BRCA2: variants seen among roughly 807,000 people sequenced by gnomAD.
BRCA2 encodes BRCA2 DNA repair associated, also known as breast cancer type 2 susceptibility protein.
In BRCA2, 203 loss-of-function variants were observed where a neutral mutation model predicts 276.7. That is an observed-to-expected ratio of 0.73 (90% CI 0.65 to 0.82). The LOEUF (loss-of-function observed/expected upper bound fraction) is 0.82. Ranked by LOEUF, BRCA2 falls within the 40% of genes least tolerant of loss-of-function variation. BRCA2 has a pLI of 0.00. For synonymous variants in BRCA2, 1,289 were observed against 1,338.4 expected, an observed-to-expected ratio of 0.96 and a Z score of 0.81; for missense variants, 3,920 against 3,915.0, an observed-to-expected ratio of 1.00 and a Z score of -0.03.
At chr13:32,364,212 C>T (rs781127263) in intron 18 of BRCA2, among the ~76,000 whole-genome samples, 4 of 152,122 alleles carry the variant, frequency 2.6e-5, no homozygotes, top group Non-Finnish European at 5.9e-5. Context: ...ATCAAGCTTG[C>T]AGTGGCTTTC....
chr13:32,336,703 T>G lies in BRCA2; in HGVS notation c.2348T>G (p.Val783Gly), dbSNP rs768143929. 4.3e-6 allele frequency: 7 copies of G among 1,613,848 alleles called. No individual in the cohort carries two copies. The highest frequency in any genetic ancestry group is 5.9e-6 in the Non-Finnish European group (7 of 1,179,910). The change falls in exon 11 of 27, where the codon GTC becomes GGC. Residue 783 changes from valine (V) to glycine (G), a missense_variant. Physicochemically the swap from Val to Gly is moderately radical, Grantham distance 109. Coordinates refer to ENST00000380152, the MANE Select transcript of BRCA2 (RefSeq NM_000059.4). Reference sequence around the variant, plus strand: ...TCCAAGGATGTTCTGTCAAACCTAGTCATGATTTCTAGAGGCAAAGAATCA... The same window carrying G: ...TCCAAGGATGTTCTGTCAAACCTAGGCATGATTTCTAGAGGCAAAGAATCA... ...PTSKDVLSNLVMISRGKESYK... is the reference protein window; with the variant it reads ...PTSKDVLSNLGMISRGKESYK...
intron 10 of BRCA2, 87 bp from the exon 11 acceptor site, chr13:32,336,178 A>G: frequency 7.0e-7 from 1 of 1,434,944 alleles, no homozygotes; most frequent in South Asian, 1.4e-5. Context: ...ACTGTGCCCA[A>G]ACACTACCTT....
Position 32,332,602 on chromosome 13 carries a change from C to A in BRCA2, c.1124C>A (p.Pro375His), listed in dbSNP as rs80358409. ...GATTCAAATGTAGCAAATCAGAAGCCCTTTGAGAGTGGAAGTGACAAAATC... is the reference window on the plus strand; with the variant it reads ...GATTCAAATGTAGCAAATCAGAAGCACTTTGAGAGTGGAAGTGACAAAATC... The part of the protein sequence containing the change: ...PLDSNVANQK[P>H]FESGSDKISK... The change falls in exon 10 of 27, where the codon CCC becomes CAC. Residue 375 changes from proline to histidine, a missense_variant. Physicochemically the swap from Pro to His is moderately conservative, Grantham distance 77 (BLOSUM62 -2). Transcript: ENST00000380152. 6.2e-7 allele frequency: 1 copy of A among 1,613,916 alleles called. No homozygotes were observed. Among genetic ancestry groups the A allele is most frequent in the South Asian group, 1.1e-5 (1 of 91,056 alleles).
chr13:32,350,666 T>A (rs1389448745), intron 13 of BRCA2, among the ~76,000 whole-genome samples: 1 of 151,564 alleles, frequency 6.6e-6, no homozygotes, highest in Non-Finnish European at 1.5e-5. Context: ...GGCAGGAGAA[T>A]GGCATCAACC....
chr13:32,388,632 A>G (rs934803554), intron 24 of BRCA2, among the ~76,000 whole-genome samples: 1 of 150,384 alleles, frequency 6.6e-6, no homozygotes, highest in South Asian at 2.1e-4. Context: ...GCTAACCTCT[A>G]TGCTCAGTAG....
At chr13:32,389,600 C>T (rs1346039317) in intron 24 of BRCA2, among the ~76,000 whole-genome samples, 2 of 151,918 alleles carry the variant, frequency 1.3e-5, no homozygotes, top group African/African-American at 4.8e-5. Flanking sequence ...AATATTGTGC[C>T]ACTTCCCTCT....
intron 3 of BRCA2, among the ~76,000 whole-genome samples, chr13:32,324,464 A>G (rs1168588832): frequency 6.6e-6 from 1 of 152,240 alleles, no homozygotes; most frequent in African/African-American, 2.4e-5. Flanking sequence ...TTATGTACCC[A>G]CAAAAATTAA....
rs773194010 is a variant in BRCA2, at chr13:32,346,835, A to G, written c.6946A>G (p.Lys2316Glu). ...AAATAATTGTTTCCTAGGCACAATA[A>G]AAGATCGAAGATTGTTTATGCATCA... ...ASKSTPDGTI[K>E]DRRLFMHHVS... The change falls in exon 13 of 27, where the codon AAA (lysine) becomes GAA (glutamate). Residue 2316 changes from lysine (K) to glutamate (E), a missense_variant. By Grantham distance (56) the Lys-to-Glu change is moderately conservative. Coordinates refer to ENST00000380152, the MANE Select transcript of BRCA2 (RefSeq NM_000059.4). The G allele has an allele frequency of 6.2e-7, 1 of 1,607,394 alleles. No individual in the cohort carries two copies. The highest frequency in any genetic ancestry group is 8.5e-7 in the Non-Finnish European group (1 of 1,175,772).
At chr13:32,376,288 CA>C (rs2072871129) in intron 20 of BRCA2, among the ~76,000 whole-genome samples, 2 of 151,468 alleles carry the variant, frequency 1.3e-5, no homozygotes, top group African/African-American at 2.4e-5. Flanking sequence ...TTTGGGAGTC[CA>C]AGGTGGTGGA....
At position 32,333,211 on chromosome 13, in the gene BRCA2, G is replaced by A. The variant is rs398122730; in HGVS notation, c.1733G>A (p.Gly578Asp). 2 of 1,613,340 alleles carry A rather than the reference G, an allele frequency of 1.2e-6. No individual in the cohort carries two copies. The highest frequency in any genetic ancestry group is 2.2e-5 in the South Asian group (2 of 90,932). The change falls in exon 10 of 27, where the codon GGT (glycine) becomes GAT (aspartate). Residue 578 changes from glycine (G) to aspartate (D), a missense_variant. Around this residue, in one of 2 missense-constraint regions of BRCA2, gnomAD observed 3,263 missense variants for 3,156.9 expected, o/e 1.03. Coordinates refer to ENST00000380152, the MANE Select transcript of BRCA2 (RefSeq NM_000059.4). ...TQNSVALKNA[G>D]LISTLKKKTN... is the part of the protein sequence containing the mutation. ...AATTCTGTAGCTTTGAAGAATGCAG[G>A]TTTAATATCCACTTTGAAAAAGAAA...
Position 32,339,003 on chromosome 13 carries a change from G to T in BRCA2, c.4648G>T (p.Glu1550Ter), listed in dbSNP as rs80358695. ...AGTGAAAAACCTTTTTGATGAAAAA[G>T]AGCAAGGTACTAGTGAAATCACCAG... ...DKVKNLFDEK[E>*]QGTSEITSFS... Residue 1550 changes from glutamate to a stop codon, truncating the protein, a stop_gained, in exon 11 of 27, where the codon GAG becomes TAG. Transcript: ENST00000380152. LOFTEE classifies it high-confidence loss of function. 5 of 1,613,558 alleles carry T rather than the reference G, an allele frequency of 3.1e-6. No individual in the cohort carries two copies. The highest frequency in any genetic ancestry group is 4.2e-6 in the Non-Finnish European group (5 of 1,179,876).
chr13:32,383,316 C>T (rs1184923521), intron 24 of BRCA2, among the ~76,000 whole-genome samples: 1 of 152,032 alleles, frequency 6.6e-6, no homozygotes, highest in Non-Finnish European at 1.5e-5. Context: ...GCTGAGATCA[C>T]ACCACTGCAC....
chr13:32,316,623 G>A (rs2072263635), intron 2 of BRCA2, 96 bp downstream of exon 2: 2 of 1,079,776 alleles, frequency 1.9e-6, no homozygotes, highest in Non-Finnish European at 2.8e-6. Flanking sequence ...GTGTTGCTTA[G>A]AACCATAAAC....
At chr13:32,392,585 G>A (rs1394627781) in intron 24 of BRCA2, among the ~76,000 whole-genome samples, 2 of 30,368 alleles carry the variant, frequency 6.6e-5, no homozygotes, top group Non-Finnish European at 1.6e-4. Flanking sequence ...GTGAGACTGC[G>A]TCTCAAAAAA....
rs786202967 is a variant in BRCA2 at position 32,337,466 on chromosome 13, A to G, written c.3111A>G (p.Gln1037=). ...SKMFFKDIEE[Q]YPTSLACVEI... is the part of the protein sequence containing the mutation. ...TGTTCTTCAAAGATATTGAAGAACA[A>G]TATCCTACTAGTTTAGCTTGTGTTG... The change falls in exon 11 of 27, where the codon CAA becomes CAG. Residue 1037 remains glutamine, a synonymous_variant. Coordinates refer to ENST00000380152, the MANE Select transcript of BRCA2 (RefSeq NM_000059.4). The G allele has an allele frequency of 5.0e-6, 8 of 1,612,374 alleles. No individual in the cohort carries two copies. Among genetic ancestry groups the G allele is most frequent in the Middle Eastern group, 1.6e-4 (1 of 6,068 alleles).
intron 18 of BRCA2, among the ~76,000 whole-genome samples, chr13:32,368,419 T>C (rs1442641301): frequency 6.6e-6 from 1 of 152,200 alleles, no homozygotes; most frequent in African/African-American, 2.4e-5. Context: ...TTTTCTTTTT[T>C]TTGTGACATT....
chr13:32,337,306 A>G lies in BRCA2; in HGVS notation c.2951A>G (p.Glu984Gly), dbSNP rs767964776. Residue 984 changes from glutamate (E) to glycine (G), a missense_variant, in exon 11 of 27, where the codon GAA becomes GGA. Glu to Gly is a moderately conservative substitution (Grantham distance 98). This residue lies in a region of BRCA2 where 3,263 missense variants were observed against 3,156.9 expected (regional missense o/e 1.03). Transcript: ENST00000380152. ...DISLNIDKIP[E>G]KNNDYMNKWA... ...TCCTTGAATATAGATAAAATACCAGAAAAAAATAATGATTACATGAACAAA... is the reference window on the plus strand; with the variant it reads ...TCCTTGAATATAGATAAAATACCAGGAAAAAATAATGATTACATGAACAAA... 6.2e-7 allele frequency: 1 copy of G among 1,612,456 alleles called. No homozygotes were observed. The highest frequency in any genetic ancestry group is 2.2e-5 in the East Asian group (1 of 44,816).
intron 20 of BRCA2, among the ~76,000 whole-genome samples, chr13:32,373,517 TA>T (rs943379155): frequency 5.3e-5 from 8 of 150,194 alleles, no homozygotes; most frequent in African/African-American, 1.2e-4. Context: ...AAAAAATAAA[TA>T]AAAAAAAATA....
At chr13:32,328,496 C>T (rs1018842957) in intron 7 of BRCA2, among the ~76,000 whole-genome samples, 6 of 152,036 alleles carry the variant, frequency 3.9e-5, no homozygotes, top group Non-Finnish European at 8.8e-5. Flanking sequence ...TTTGTCTCAG[C>T]CACATTTTTT....
Sources: allele counts gnomAD v4.1 joint callset (sites outside exome capture counted in the v4.1 genomes callset), GRCh38; gene constraint gnomAD v4.1.1; regional missense constraint gnomAD v4.1.1; transcripts MANE v1.5; gene names NCBI Gene and HGNC (gene_info 2026-07-23, HGNC 2026-07-21).